PXDN: variants seen among roughly 807,000 people sequenced by gnomAD.
PXDN encodes peroxidasin homolog.
PXDN carries 77 observed loss-of-function variants against 140.3 expected under a neutral mutation model. That is an observed-to-expected ratio of 0.55 (90% CI 0.46 to 0.66). The LOEUF is 0.66. Ranked by LOEUF, PXDN falls within the 30% of genes least tolerant of loss-of-function variation. The pLI is 0.00. For missense variants in PXDN, 1,838 were observed against 2,039.5 expected, an observed-to-expected ratio of 0.90 and a Z score of 1.90; for synonymous variants, 911 against 857.4, an observed-to-expected ratio of 1.06 and a Z score of -1.09.
In PXDN at chr2:1,698,174, G is replaced by A. The variant is rs545580104; in HGVS notation, c.201-5040C>T. Among the ~76,000 whole-genome samples, 132 of 152,334 alleles carry A rather than the reference G, an allele frequency of 8.7e-4. 3 individuals carry two copies. Among genetic ancestry groups the A allele is most frequent in the Non-Finnish European group, 1.6e-3 (111 of 68,044 alleles). ...GCAGCGGTGAACAAGGTCACAGAAG[G>A]ACGACAAGTTTGTGTGTGAAAAGTC... On this transcript the variant is annotated intron_variant, in intron 1 of 22. Transcript: ENST00000252804.
intron 1 of PXDN, among the ~76,000 whole-genome samples, chr2:1,712,959 G>A (rs1458710063): frequency 3.3e-5 from 5 of 152,146 alleles, no homozygotes; most frequent in African/African-American, 7.2e-5. Flanking sequence ...TCCTGATCTC[G>A]GGTGATCCAC....
At chr2:1,693,616 AC>A (rs1332672414) in intron 1 of PXDN, among the ~76,000 whole-genome samples, 8 of 152,256 alleles carry the variant, frequency 5.3e-5, no homozygotes, top group African/African-American at 1.9e-4. Flanking sequence ...ATGTTTCAAA[AC>A]CACAAAAGTG....
Position 1,744,446 on chromosome 2 carries a change from G to T in PXDN, c.10C>A (p.Arg4Ser). The T allele has an allele frequency of 6.7e-7, 1 of 1,488,840 alleles. No individual in the cohort carries two copies. 92.2% of individuals were successfully genotyped at this position (1,488,840 alleles called of 1,614,324 possible). The change falls in exon 1 of 23, where the codon CGC (arginine) becomes AGC (serine). Residue 4 changes from arginine to serine, a missense_variant. Arg to Ser is a moderately radical substitution (Grantham distance 110). Transcript: ENST00000252804. ...CAGCGGCGCCCGGGGCCCCTGGAGC[G>T]CTTGGCCATGGCCGACGGCGCGGAC... MAK[R>S]SRGPGRRCLL...
chr2:1,728,823 A>G (rs530843470), intron 1 of PXDN, among the ~76,000 whole-genome samples: 1 of 152,328 alleles, frequency 6.6e-6, no homozygotes, highest in Admixed American at 6.5e-5. Flanking sequence ...CTTCAACAGG[A>G]ATGCACGCGA....
At position 1,651,743 on chromosome 2, in the gene PXDN, C is replaced by A. The variant is rs1184883127; in HGVS notation, c.2104+1885G>T. Among the ~76,000 whole-genome samples, 2 of 152,194 alleles carry A rather than the reference C, an allele frequency of 1.3e-5. No individual in the cohort carries two copies. The highest frequency in any genetic ancestry group is 2.9e-5 in the Non-Finnish European group (2 of 68,028). On this transcript the variant is annotated intron_variant, in intron 16 of 22. Coordinates refer to ENST00000252804, the MANE Select transcript of PXDN (RefSeq NM_012293.3). The surrounding 1 kb of genome is among the most constrained non-coding windows in gnomAD (Gnocchi z 4.4). The stretch of plus-strand genomic sequence containing the variant: ...CACCTTCGCCCATGGGGAACAGCAC[C>A]CCATCCCAGCCAGGGCACCACCCAC...
rs10191981 is a variant in PXDN at position 1,740,637 on chromosome 2, A to G, written c.200+3619T>C. Among the ~76,000 whole-genome samples, 4 of 150,452 alleles carry G rather than the reference A, an allele frequency of 2.7e-5. 1 individual carries two copies. Among genetic ancestry groups the G allele is most frequent in the African/African-American group, 9.8e-5 (4 of 40,924 alleles). The stretch of plus-strand genomic sequence containing the variant: ...CAAGCACTGTGCGCCCTTTCCCCAT[A>G]CCCCGTCCCACCAGGACTGCACACA... On this transcript the variant is annotated intron_variant, in intron 1 of 22. Transcript: ENST00000252804.
chr2:1,644,496 G>T, intron 18 of PXDN, 122 bp downstream of exon 18: 1 of 1,154,234 alleles, frequency 8.7e-7, no homozygotes, highest in Non-Finnish European at 1.1e-6. Flanking sequence ...CTCAACCGGG[G>T]ACACACAGAA....
intron 9 of PXDN, among the ~76,000 whole-genome samples, chr2:1,670,919 A>C (rs1372505562): frequency 6.6e-6 from 1 of 152,158 alleles, no homozygotes; most frequent in Non-Finnish European, 1.5e-5. Context: ...GTTCACCAAA[A>C]TCCGGTCCTC....
chr2:1,671,886 C>G (rs1484700170), intron 9 of PXDN, among the ~76,000 whole-genome samples: 17 of 152,224 alleles, frequency 1.1e-4, no homozygotes. Context: ...AGACATTGTG[C>G]AGAAGAATGG....
intron 9 of PXDN, among the ~76,000 whole-genome samples, chr2:1,672,384 T>C (rs1683597889): frequency 1.3e-5 from 2 of 152,256 alleles, no homozygotes; most frequent in African/African-American, 4.8e-5. Flanking sequence ...TCCATAGTTA[T>C]TCTCCTTTGT....
chr2:1,643,225 A>ACAG, intron 19 of PXDN, 143 bp downstream of exon 19: 5 of 909,344 alleles, frequency 5.5e-6, no homozygotes, highest in Non-Finnish European at 3.3e-6. Flanking sequence ...CAGCATGGAT[A>ACAG]CAGCACGATT....
In PXDN at chr2:1,662,132, G is replaced by C. The variant is rs368478040; in HGVS notation, c.1620C>G (p.Ala540=). 1 of 1,597,484 alleles carries C rather than the reference G, an allele frequency of 6.3e-7. No individual in the cohort carries two copies. ...IPSDTTVEVG[A]NVQLPCSSQG... The stretch of plus-strand genomic sequence containing the variant: ...GGGAGCTGCACGGGAGCTGCACATT[G>C]GCGCCCACCTCCACTGTTGTGTCGC... The change falls in exon 13 of 23, where the codon GCC becomes GCG. Residue 540 remains alanine, a synonymous_variant. Transcript: ENST00000252804.
rs756037533 is a variant in PXDN at position 1,660,999 on chromosome 2, G to A, written c.1719C>T (p.Ile573=). 2 of 1,614,020 alleles carry A rather than the reference G, an allele frequency of 1.2e-6. No individual in the cohort carries two copies. The highest frequency in any genetic ancestry group is 1.7e-6 in the Non-Finnish European group (2 of 1,179,898). Reference sequence around the variant, plus strand: ...TGATGGTCAAGAATCCTTCAGGGCTGATGTGAAATTTTCCACTTTCTGTCA... The same window carrying A: ...TGATGGTCAAGAATCCTTCAGGGCTAATGTGAAATTTTCCACTTTCTGTCA... ...VQVTESGKFH[I]SPEGFLTIND... Residue 573 remains isoleucine (I), a synonymous_variant, in exon 14 of 23, where the codon ATC becomes ATT. Transcript: ENST00000252804. The surrounding 1 kb of genome is among the most constrained non-coding windows in gnomAD (Gnocchi z 4.6).
At chr2:1,682,428 T>C (rs1490450165) in intron 6 of PXDN, among the ~76,000 whole-genome samples, 1 of 152,204 alleles carries the variant, frequency 6.6e-6, no homozygotes, top group African/African-American at 2.4e-5. Flanking sequence ...ACAAATCACA[T>C]AAGACCACTC....
At position 1,649,224 on chromosome 2, in the gene PXDN, G is replaced by C; in HGVS notation, c.2556C>G (p.Ser852Arg). The C allele has an allele frequency of 6.2e-7, 1 of 1,612,990 alleles. No homozygotes were observed. The highest frequency in any genetic ancestry group is 2.2e-5 in the East Asian group (1 of 44,870). The change falls in exon 17 of 23, where the codon AGC becomes AGG. Residue 852 changes from serine (S) to arginine (R), a missense_variant. By Grantham distance (110) the Ser-to-Arg change is moderately radical. Around this residue, in one of 5 missense-constraint regions of PXDN, gnomAD observed 850 missense variants for 894.1 expected, o/e 0.95. Coordinates refer to ENST00000252804, the MANE Select transcript of PXDN (RefSeq NM_012293.3). The surrounding 1 kb of genome is among the most constrained non-coding windows in gnomAD (Gnocchi z 7.1). The part of the protein sequence containing the change: ...SDGQHCSNVC[S>R]NDPPCFSVMI... ...TGACAGAGAAGCAGGGGGGGTCGTT[G>C]CTGCACACGTTGCTGCAGTGCTGTC...
At chr2:1,720,735 C>G (rs1417905123) in intron 1 of PXDN, among the ~76,000 whole-genome samples, 7 of 151,734 alleles carry the variant, frequency 4.6e-5, no homozygotes, top group African/African-American at 1.7e-4. Context: ...CACACACACA[C>G]ACACACACAC....
At position 1,651,657 on chromosome 2, in the gene PXDN, G is replaced by A. The variant is rs2125413692; in HGVS notation, c.2104+1971C>T. ...GCCCCACCTCCAAGACTCTGCATGT[G>A]TGGTCCCCTCAGATGCTCCAGGGAG... is the stretch of plus-strand genomic sequence containing the variant. On this transcript the variant is annotated intron_variant, in intron 16 of 22. Transcript: ENST00000252804. The surrounding 1 kb of genome is among the most constrained non-coding windows in gnomAD (Gnocchi z 4.4). 1.3e-5 allele frequency among the ~76,000 whole-genome samples: 2 copies of A among 152,262 alleles called. No homozygotes were observed. Among genetic ancestry groups the A allele is most frequent in the Middle Eastern group, 6.8e-3 (2 of 294 alleles).
chr2:1,666,083 A>G, intron 10 of PXDN, 131 bp downstream of exon 10: 1 of 1,303,238 alleles, frequency 7.7e-7, no homozygotes, highest in Non-Finnish European at 1.0e-6. Flanking sequence ...GGTGTAATGG[A>G]TAAAAATCAA....
At chr2:1,670,463 G>A (rs1409052472) in intron 9 of PXDN, among the ~76,000 whole-genome samples, 1 of 152,136 alleles carries the variant, frequency 6.6e-6, no homozygotes, top group Non-Finnish European at 1.5e-5. Context: ...AAGGGAATAG[G>A]AGTTGAGCGG....
Sources: allele counts gnomAD v4.1 joint callset (sites outside exome capture counted in the v4.1 genomes callset), GRCh38; gene constraint gnomAD v4.1.1; regional missense constraint gnomAD v4.1.1; non-coding constraint Gnocchi (gnomAD v3.1); transcripts MANE v1.5; gene names NCBI Gene and HGNC (gene_info 2026-07-23, HGNC 2026-07-21).